Variants in FXN observed in about 807,000 individuals in gnomAD.
FXN encodes frataxin, mitochondrial.
A neutral mutation model predicts 22.4 loss-of-function variants in FXN; 14 were observed. The ratio of observed to expected loss-of-function variants is 0.62; its 90% CI spans 0.41 to 0.98. The LOEUF is 0.98. Ranked by LOEUF, FXN falls within the 50% of genes least tolerant of loss-of-function variation. FXN has a pLI of 0.00. For missense variants in FXN, 267 were observed against 268.4 expected (o/e 0.99, Z 0.04); for synonymous variants, 120 against 114.1 (o/e 1.05, Z -0.33).
chr9:69,036,146 G>A, intron 1 of FXN, 199 bp downstream of exon 1: 1 of 349,558 alleles, frequency 2.9e-6, no homozygotes, highest in Non-Finnish European at 4.8e-6. Flanking sequence ...CATTTACACT[G>A]GCTTCTGCTT....
intron 3 of FXN, among the ~76,000 whole-genome samples, chr9:69,063,687 T>A (rs1000059908): frequency 6.6e-6 from 1 of 151,280 alleles, no homozygotes; most frequent in South Asian, 2.1e-4. Flanking sequence ...GGTTTTTTGT[T>A]TTGTTTTGCT....
At chr9:69,065,953 G>C (rs1405669407) in intron 4 of FXN, among the ~76,000 whole-genome samples, 1 of 152,150 alleles carries the variant, frequency 6.6e-6, no homozygotes, top group Admixed American at 6.5e-5. Flanking sequence ...ATATATTGCT[G>C]CTCCAGGGCA....
rs768211884 is a variant in FXN, at chr9:69,073,195, GA to G, written c.*434del. Reference sequence around the variant, plus strand: ...CCTGCTCACTGTTCTATCTCCAAATGAGACACATTAAAGGGTAGCCTACAAA... The same window carrying G: ...CCTGCTCACTGTTCTATCTCCAAATGGACACATTAAAGGGTAGCCTACAAA... On this transcript the variant is annotated 3_prime_UTR_variant, in exon 5 of 5. Coordinates refer to ENST00000484259, the MANE Select transcript of FXN (RefSeq NM_000144.5). The G allele has an allele frequency of 1.3e-5, 14 of 1,065,406 alleles. No homozygotes were observed. Among genetic ancestry groups the G allele is most frequent in the Non-Finnish European group, 1.5e-5 (13 of 879,422 alleles). The allele number at this position is 1,065,406 out of a possible 1,614,324, so 66.0% of individuals were successfully genotyped here. A position where few individuals can be genotyped will look rare whatever the true frequency, so the allele number is the denominator to read the frequency against.
intron 4 of FXN, among the ~76,000 whole-genome samples, chr9:69,070,322 C>G (rs1832251355): frequency 6.6e-6 from 1 of 152,168 alleles, no homozygotes; most frequent in Non-Finnish European, 1.5e-5. Context: ...AAGAAAATGA[C>G]CACAATGGGA....
Position 69,035,969 on chromosome 9 carries a change from AGCCGCGGGCCGCAC to A in FXN, c.165+42_165+55del, listed in dbSNP as rs574800040. ...CGCAGTAAGTATCCGCGCCGGGAAC[AGCCGCGGGCCGCAC>A]GCCGCGGGCCGCACGCCGCACGCCT... is the stretch of plus-strand genomic sequence containing the variant. On this transcript the variant is annotated intron_variant, in intron 1 of 4. Transcript: ENST00000484259. The A allele has an allele frequency of 2.7e-3, 3,892 of 1,428,332 alleles. 75 individuals are homozygous for A. The African/African-American group carries it at 0.04, about 15-fold the overall frequency. 88.5% of individuals were successfully genotyped at this position (1,428,332 alleles called of 1,614,324 possible).
chr9:69,074,138 C>T lies in FXN; in HGVS notation c.*1376C>T, dbSNP rs1450920867. On this transcript the variant is annotated 3_prime_UTR_variant, in exon 5 of 5. Transcript: ENST00000484259. ...GGTGGAGGTTGCAGTGAGCCGAGAT[C>T]GTGCCATTGCACTGTAACCTGGGTG... 1.4e-5 allele frequency: 8 copies of T among 570,772 alleles called. No individual in the cohort carries two copies. Among genetic ancestry groups the T allele is most frequent in the Middle Eastern group, 8.7e-4 (1 of 1,150 alleles). The allele number at this position is 570,772 out of a possible 1,614,324, so 35.4% of individuals were successfully genotyped here.
At chr9:69,067,028 C>T (rs1049806945) in intron 4 of FXN, among the ~76,000 whole-genome samples, 3 of 152,190 alleles carry the variant, frequency 2.0e-5, no homozygotes, top group African/African-American at 7.2e-5. Flanking sequence ...GAGTGGCCAC[C>T]GCCGGATGGG....
intron 2 of FXN, among the ~76,000 whole-genome samples, chr9:69,048,513 G>A (rs1004646818): frequency 2.0e-5 from 3 of 152,000 alleles, no homozygotes; most frequent in African/African-American, 7.3e-5. Context: ...CCTGAGGCAG[G>A]AGAATCGCTT....
In FXN at chr9:69,052,873, C is replaced by A. The variant is rs113457034; in HGVS notation, c.264-267C>A. ...TTTTTACTTTGGGCCGGGCACGGTG[C>A]CTTACGCCTGTAATCCTAACATTTC... On this transcript the variant is annotated intron_variant, in intron 2 of 4. Transcript: ENST00000484259. Among the ~76,000 whole-genome samples the A allele has an allele frequency of 2.8e-3, 431 of 151,538 alleles. 3 individuals are homozygous for A. Among genetic ancestry groups the A allele is most frequent in the African/African-American group, 9.6e-3 (398 of 41,368 alleles).
intron 1 of FXN, among the ~76,000 whole-genome samples, chr9:69,039,272 C>T (rs1831614230): frequency 6.6e-6 from 1 of 150,500 alleles, no homozygotes; most frequent in South Asian, 2.1e-4. Context: ...AAAAAAAAGG[C>T]TCCTAATAAC....
chr9:69,052,996 A>G, intron 2 of FXN, 144 bp from the exon 3 acceptor site: 1 of 944,480 alleles, frequency 1.1e-6, no homozygotes, highest in African/African-American at 1.7e-5. Flanking sequence ...GTCTCAAAAA[A>G]AAAAAAAAAA....
chr9:69,052,972 CAG>C, intron 2 of FXN, among the ~76,000 whole-genome samples, 166 bp from the exon 3 acceptor site: 2 of 130,452 alleles, frequency 1.5e-5, no homozygotes, highest in Middle Eastern at 5.4e-3. Context: ...GCCTGGGTGA[CAG>C]AGTGAGACTC....
At position 69,075,128 on chromosome 9, in the gene FXN, A is replaced by G. The variant is rs890100699; in HGVS notation, c.*2366A>G. On this transcript the variant is annotated 3_prime_UTR_variant, in exon 5 of 5. Transcript: ENST00000484259. ...ACATATAGCTCTAATTGGTTTGATT[A>G]TCTCGTTCCCAAGGCAGTGGGAGAT... 125 of 985,322 alleles carry G rather than the reference A, an allele frequency of 1.3e-4. No homozygotes were observed. The highest frequency in any genetic ancestry group is 1.4e-4 in the Non-Finnish European group (120 of 829,968). The allele number at this position is 985,322 out of a possible 1,614,324, so 61.0% of individuals were successfully genotyped here.
At chr9:69,052,444 G>A (rs1831870408) in intron 2 of FXN, among the ~76,000 whole-genome samples, 1 of 151,952 alleles carries the variant, frequency 6.6e-6, no homozygotes, top group Non-Finnish European at 1.5e-5. Flanking sequence ...GTGAGCCACT[G>A]CACTGCCTGG....
In FXN at chr9:69,077,192, G is replaced by T; in HGVS notation, c.*4430G>T. 1 of 974,114 alleles carries T rather than the reference G, an allele frequency of 1.0e-6. No individual in the cohort carries two copies. The highest frequency in any genetic ancestry group is 1.2e-6 in the Non-Finnish European group (1 of 819,752). 60.3% of individuals were successfully genotyped at this position (974,114 alleles called of 1,614,324 possible). A position where few individuals can be genotyped will look rare whatever the true frequency, so the allele number is the denominator to read the frequency against. ...CTCCCAAAGTGCTGGGATTACAGGC[G>T]TGAGCCACTGCACCCAGCCAGAAAT... On this transcript the variant is annotated 3_prime_UTR_variant, in exon 5 of 5. Transcript: ENST00000484259.
At chr9:69,045,532 G>A (rs1831736349) in intron 1 of FXN, among the ~76,000 whole-genome samples, 1 of 152,178 alleles carries the variant, frequency 6.6e-6, no homozygotes. Flanking sequence ...GGCGGGGGTT[G>A]CAGTGAGCCG....
rs61754561 is a variant in FXN at position 69,072,663 on chromosome 9, C to T, written c.534C>T (p.Asp178=). ...GGAAAAACTGGGTGTACTCCCACGA[C>T]GGCGTGTCCCTCCATGAGCTGCTGG... is the stretch of plus-strand genomic sequence containing the variant. ...WTGKNWVYSH[D]GVSLHELLAA... is the part of the protein sequence containing the mutation. Residue 178 remains aspartate (D), a synonymous_variant, in exon 5 of 5, where the codon GAC becomes GAT. Coordinates refer to ENST00000484259, the MANE Select transcript of FXN (RefSeq NM_000144.5). The T allele has an allele frequency of 2.0e-4, 323 of 1,614,028 alleles. No homozygotes were observed. The highest frequency in any genetic ancestry group is 3.0e-4 in the Admixed American group (18 of 60,004).
At chr9:69,070,480 G>A (rs569552635) in intron 4 of FXN, among the ~76,000 whole-genome samples, 3 of 152,300 alleles carry the variant, frequency 2.0e-5, no homozygotes, top group East Asian at 1.9e-4. Flanking sequence ...GTAACGATGC[G>A]AGGGCTTGGA....
chr9:69,050,918 T>C (rs2133107633), intron 2 of FXN, among the ~76,000 whole-genome samples: 1 of 152,124 alleles, frequency 6.6e-6, no homozygotes, highest in East Asian at 1.9e-4. Flanking sequence ...GTAGCTGGGA[T>C]TACAGGCATG....
Sources: gnomAD v4.1 joint callset for allele counts (sites outside exome capture counted in the v4.1 genomes callset) on GRCh38, gnomAD v4.1.1 for gene constraint, MANE v1.5 for transcripts, NCBI Gene and HGNC (gene_info 2026-07-23, HGNC 2026-07-21) for gene names.